WWOX: variants seen among roughly 807,000 people sequenced by gnomAD.
WWOX encodes WW domain-containing oxidoreductase.
A neutral mutation model predicts 46.2 loss-of-function variants in WWOX; 69 were observed. The observed-to-expected ratio is 1.49, with a 90% CI of 1.23 to 1.82. WWOX has a LOEUF of 1.82. Ranked by LOEUF, WWOX falls within the 40% of genes most tolerant of loss-of-function variation. The pLI is 0.00. For missense variants in WWOX, 919 were observed against 542.6 expected, an observed-to-expected ratio of 1.69 and a Z score of -6.89; for synonymous variants, 359 against 202.6, an observed-to-expected ratio of 1.77 and a Z score of -6.56.
chr16:78,877,678 G>GT (rs1276687533), intron 8 of WWOX, among the ~76,000 whole-genome samples: 1 of 152,138 alleles, frequency 6.6e-6, no homozygotes, highest in Admixed American at 6.5e-5. Context: ...CTAGAAGAAT[G>GT]TAAGTTTGTA....
intron 8 of WWOX, among the ~76,000 whole-genome samples, chr16:78,504,887 G>A (rs1178187939): frequency 3.3e-5 from 5 of 152,014 alleles, no homozygotes; most frequent in Non-Finnish European, 4.4e-5. Flanking sequence ...GAGCAGTTTC[G>A]AAACCAAACC....
At chr16:78,496,028 G>C (rs1035223074) in intron 8 of WWOX, 1 of 152,164 alleles carries the variant, frequency 6.6e-6, no homozygotes, top group African/African-American at 2.4e-5. Context: ...GAACTATGGA[G>C]TTTTAGTTTT....
chr16:78,144,640 G>A (rs780986761), intron 4 of WWOX, among the ~76,000 whole-genome samples: 5 of 147,780 alleles, frequency 3.4e-5, no homozygotes, highest in Middle Eastern at 3.2e-3. Flanking sequence ...TCCTGCCTCA[G>A]CCTCCCAATA....
At chr16:79,025,298 G>C (rs910446324) in intron 8 of WWOX, among the ~76,000 whole-genome samples, 3 of 152,166 alleles carry the variant, frequency 2.0e-5, no homozygotes, top group Non-Finnish European at 4.4e-5. Context: ...GTAGCCCTTT[G>C]GGTTCGATTT....
intron 8 of WWOX, among the ~76,000 whole-genome samples, chr16:78,766,118 A>G (rs1277790268): frequency 6.6e-6 from 1 of 152,170 alleles, no homozygotes; most frequent in African/African-American, 2.4e-5. Flanking sequence ...GGTCACACAT[A>G]CCGTCCCCTG....
intron 8 of WWOX, among the ~76,000 whole-genome samples, chr16:78,950,843 G>T (rs1340532558): frequency 6.6e-6 from 1 of 152,142 alleles, no homozygotes; most frequent in East Asian, 1.9e-4. Flanking sequence ...TTGAAGCAGG[G>T]GCTCTGATTG....
intron 8 of WWOX, among the ~76,000 whole-genome samples, chr16:78,436,725 G>C (rs1234367716): frequency 6.6e-6 from 1 of 152,100 alleles, no homozygotes; most frequent in Non-Finnish European, 1.5e-5. Flanking sequence ...CTGTATTTAG[G>C]AGAGGAATCA....
intron 8 of WWOX, among the ~76,000 whole-genome samples, chr16:79,209,208 C>T (rs1271771708): frequency 1.3e-5 from 2 of 152,132 alleles, no homozygotes; most frequent in East Asian, 1.9e-4. Flanking sequence ...GAAATGAAGC[C>T]AGTTGTAATT....
At chr16:78,994,686 A>AG (rs1162469708) in intron 8 of WWOX, among the ~76,000 whole-genome samples, 3 of 152,156 alleles carry the variant, frequency 2.0e-5, no homozygotes. Flanking sequence ...TGTAATAGAC[A>AG]GTGGGGGGTG....
chr16:78,757,969 C>T (rs569793630), intron 8 of WWOX, among the ~76,000 whole-genome samples: 2 of 152,086 alleles, frequency 1.3e-5, no homozygotes, highest in East Asian at 1.9e-4. Context: ...ACATTGATTC[C>T]ACAACACTGA....
chr16:78,902,435 C>T (rs780359986), intron 8 of WWOX, among the ~76,000 whole-genome samples: 1 of 152,198 alleles, frequency 6.6e-6, no homozygotes, highest in East Asian at 1.9e-4. Flanking sequence ...CCACGCGGGG[C>T]GGGCGGGAGA....
intron 8 of WWOX, among the ~76,000 whole-genome samples, chr16:78,604,392 A>G (rs1597335193): frequency 6.6e-6 from 1 of 151,980 alleles, no homozygotes; most frequent in Non-Finnish European, 1.5e-5. Context: ...TATTCAGCAA[A>G]TATTCATGGA....
At chr16:78,197,698 A>C (rs1409629001) in intron 5 of WWOX, among the ~76,000 whole-genome samples, 8 of 152,184 alleles carry the variant, frequency 5.3e-5, no homozygotes, top group African/African-American at 1.9e-4. Flanking sequence ...TAGACATTAT[A>C]TGATTTCATC....
intron 8 of WWOX, among the ~76,000 whole-genome samples, chr16:78,962,830 C>G (rs966512759): frequency 4.6e-5 from 7 of 152,184 alleles, no homozygotes; most frequent in African/African-American, 1.7e-4. Flanking sequence ...TAAGAGGTAA[C>G]CACTATTCTG....
At chr16:78,863,186 G>T (rs1254645140) in intron 8 of WWOX, among the ~76,000 whole-genome samples, 1 of 152,092 alleles carries the variant, frequency 6.6e-6, no homozygotes, top group Non-Finnish European at 1.5e-5. Flanking sequence ...TCAAACTCCT[G>T]ACCTCAGGTG....
At chr16:79,111,808 C>T (rs2049422110) in intron 8 of WWOX, among the ~76,000 whole-genome samples, 1 of 152,166 alleles carries the variant, frequency 6.6e-6, no homozygotes, top group South Asian at 2.1e-4. Context: ...CACACCATCC[C>T]ATGAGCCCAG....
At chr16:78,261,506 C>T (rs1488595738) in intron 5 of WWOX, among the ~76,000 whole-genome samples, 2 of 150,538 alleles carry the variant, frequency 1.3e-5, no homozygotes, top group Non-Finnish European at 3.0e-5. Context: ...TTCCATTTCT[C>T]TTCTGCAGAT....
chr16:78,452,258 G>A (rs1307741201), intron 8 of WWOX, among the ~76,000 whole-genome samples: 1 of 152,098 alleles, frequency 6.6e-6, no homozygotes, highest in Admixed American at 6.5e-5. Context: ...TTGAACAAAT[G>A]GATATTTGAG....
At chr16:78,365,074 G>C (rs2081503532) in intron 5 of WWOX, among the ~76,000 whole-genome samples, 1 of 152,160 alleles carries the variant, frequency 6.6e-6, no homozygotes, top group Non-Finnish European at 1.5e-5. Context: ...TCTCCAACTA[G>C]TTTATGAGCT....
Sources: gnomAD v4.1 joint callset for allele counts (sites outside exome capture counted in the v4.1 genomes callset) on GRCh38, gnomAD v4.1.1 for gene constraint, MANE v1.5 for transcripts, NCBI Gene and HGNC (gene_info 2026-07-23, HGNC 2026-07-21) for gene names.